Variants in MAST4 observed in about 807,000 individuals in gnomAD.
The protein encoded by MAST4 is microtubule associated serine/threonine kinase family member 4, also known as microtubule-associated serine/threonine-protein kinase 4.
Under a neutral mutation model 162.7 loss-of-function variants are expected in MAST4, and 89 were observed. The observed-to-expected ratio is 0.55, with a 90% CI of 0.46 to 0.65. MAST4 has a LOEUF of 0.65. Among genes scored for constraint, MAST4 ranks in the 30% least tolerant of loss-of-function variants. The pLI, the probability that MAST4 is intolerant of heterozygous loss-of-function variation, is 0.00. For synonymous variants in MAST4, 1,479 were observed against 1,361.1 expected (o/e 1.09, Z -1.91); for missense variants, 3,153 against 3,374.0 (o/e 0.93, Z 1.62).
chr5:66,899,853 G>A (rs116463838), intron 3 of MAST4, 98 bp from the exon 4 acceptor site: 23 of 944,380 alleles, frequency 2.4e-5, no homozygotes, highest in Admixed American at 7.0e-5. Flanking sequence ...CAAATCAAGC[G>A]TAATGAAGGA....
chr5:66,746,768 G>A (rs1752784514), intron 1 of MAST4, among the ~76,000 whole-genome samples: 1 of 152,126 alleles, frequency 6.6e-6, no homozygotes, highest in Non-Finnish European at 1.5e-5. Context: ...CCTAAATAAA[G>A]GTCAAGGAAA....
intron 4 of MAST4, among the ~76,000 whole-genome samples, chr5:67,035,672 C>T (rs1384397723): frequency 6.6e-6 from 1 of 152,144 alleles, no homozygotes; most frequent in Non-Finnish European, 1.5e-5. Flanking sequence ...GTAACTGGCA[C>T]TTACACAGTA....
intron 4 of MAST4, among the ~76,000 whole-genome samples, chr5:67,021,977 T>TC (rs960010374): frequency 6.6e-6 from 1 of 152,166 alleles, no homozygotes; most frequent in African/African-American, 2.4e-5. Context: ...ATTCTCTCTG[T>TC]CCCCTACTCC....
chr5:66,761,721 G>T (rs1031098355), intron 2 of MAST4, among the ~76,000 whole-genome samples: 1 of 152,074 alleles, frequency 6.6e-6, no homozygotes, highest in African/African-American at 2.4e-5. Flanking sequence ...CCAAGGGGGA[G>T]AAATTCATCA....
intron 1 of MAST4, among the ~76,000 whole-genome samples, chr5:66,631,233 A>G (rs1744773025): frequency 6.6e-6 from 1 of 152,162 alleles, no homozygotes; most frequent in Non-Finnish European, 1.5e-5. Context: ...GTTGCCATAA[A>G]TGGACTGAAC....
intron 1 of MAST4, among the ~76,000 whole-genome samples, chr5:66,651,793 AACTC>A (rs1746238606): frequency 6.6e-6 from 1 of 152,090 alleles, no homozygotes; most frequent in African/African-American, 2.4e-5. Flanking sequence ...CCTACTTCCT[AACTC>A]ACTCATGTAC....
intron 1 of MAST4, among the ~76,000 whole-genome samples, chr5:66,728,746 T>C (rs1447592132): frequency 2.0e-5 from 3 of 152,186 alleles, no homozygotes; most frequent in Non-Finnish European, 4.4e-5. Flanking sequence ...TTAAGTCAAA[T>C]GTGGAAGACA....
chr5:67,110,252 T>G lies in MAST4; in HGVS notation c.1458+53T>G, dbSNP rs528235774. The G allele has an allele frequency of 5.3e-6, 7 of 1,318,376 alleles. No individual in the cohort carries two copies. In the African/African-American group the frequency reaches 7.2e-5, roughly 14 times the overall value. 81.7% of individuals were successfully genotyped at this position (1,318,376 alleles called of 1,614,324 possible). ...TATTTATTGTTAACTGGGAAAGCAG[T>G]TACCATCAGAAAGCTCCTTCATTTG... On this transcript the variant is annotated intron_variant, in intron 11 of 28. Transcript: ENST00000403625.
chr5:67,099,743 A>G lies in MAST4; in HGVS notation c.913-692A>G, dbSNP rs536868550. 2.0e-5 allele frequency among the ~76,000 whole-genome samples: 3 copies of G among 152,114 alleles called. No homozygotes were observed. In the South Asian group the frequency reaches 6.2e-4, roughly 32 times the overall value. On this transcript the variant is annotated intron_variant, in intron 7 of 28. Transcript: ENST00000403625. Reference sequence around the variant, plus strand: ...ATCTTTCCTGTCTTTCCTTGTTCCAAATGTTGAATGACGATTTTCAAAAAG... The same window carrying G: ...ATCTTTCCTGTCTTTCCTTGTTCCAGATGTTGAATGACGATTTTCAAAAAG...
At chr5:66,810,963 T>A (rs1756447227) in intron 3 of MAST4, among the ~76,000 whole-genome samples, 1 of 152,186 alleles carries the variant, frequency 6.6e-6, no homozygotes. Flanking sequence ...AATGACCACA[T>A]CCTTTCCCTC....
At position 67,125,514 on chromosome 5, in the gene MAST4, G is replaced by C. The variant is rs551140760; in HGVS notation, c.1745+4412G>C. ...GAGAACATGTGGTATTTGGTTTTCT[G>C]TTCCTGTGTTAGTTTGCTGAGAATG... On this transcript the variant is annotated intron_variant, in intron 14 of 28. Coordinates refer to ENST00000403625, the MANE Select transcript of MAST4 (RefSeq NM_001164664.2). Among the ~76,000 whole-genome samples, 3 of 152,080 alleles carry C rather than the reference G, an allele frequency of 2.0e-5. No homozygotes were observed. In the South Asian group the frequency reaches 6.2e-4, roughly 32 times the overall value.
In MAST4 at chr5:66,759,869, C is replaced by T. The variant is rs368607736; in HGVS notation, c.517+7C>T. ...CTGGGAGGAGCCCTGACTGGTGAGTCGCAGCGGCTTGGATGAGAGAAGGAA... is the reference window on the plus strand; with the variant it reads ...CTGGGAGGAGCCCTGACTGGTGAGTTGCAGCGGCTTGGATGAGAGAAGGAA... On this transcript the variant is annotated splice_region_variant and intron_variant, in intron 2 of 28. Coordinates refer to ENST00000403625, the MANE Select transcript of MAST4 (RefSeq NM_001164664.2). 132 of 1,613,420 alleles carry T rather than the reference C, an allele frequency of 8.2e-5. No individual in the cohort carries two copies. The highest frequency in any genetic ancestry group is 3.1e-4 in the African/African-American group (23 of 74,890).
In MAST4 at chr5:67,166,074, G is replaced by C. The variant is rs1346638328; in HGVS notation, c.6895G>C (p.Glu2299Gln). 2 of 1,613,424 alleles carry C rather than the reference G, an allele frequency of 1.2e-6. No individual in the cohort carries two copies. The highest frequency in any genetic ancestry group is 3.3e-5 in the Admixed American group (2 of 59,946). Residue 2299 changes from glutamate (E) to glutamine (Q), a missense_variant, in exon 29 of 29, where the codon GAG (glutamate) becomes CAG (glutamine). Transcript: ENST00000403625. ...TSGGRPLEVL[E>Q]KPVHLPRPGH... ...TGGTGGGCGGCCCCTGGAGGTGCTG[G>C]AGAAGCCTGTGCATTTGCCAAGGCC...
chr5:66,740,388 T>G (rs1381000811), intron 1 of MAST4, among the ~76,000 whole-genome samples: 1 of 152,212 alleles, frequency 6.6e-6, no homozygotes, highest in Non-Finnish European at 1.5e-5. Context: ...TGGAGACTCC[T>G]CAAGCAATTC....
chr5:66,913,153 A>G (rs915250630), intron 4 of MAST4, among the ~76,000 whole-genome samples: 3 of 152,208 alleles, frequency 2.0e-5, no homozygotes, highest in South Asian at 4.1e-4. Flanking sequence ...TAAACTGTAC[A>G]TAATTTAAAG....
At chr5:66,765,770 G>A (rs1754066271) in intron 2 of MAST4, among the ~76,000 whole-genome samples, 1 of 151,960 alleles carries the variant, frequency 6.6e-6, no homozygotes, top group African/African-American at 2.4e-5. Flanking sequence ...AGACACTCAT[G>A]ATTGAAATGT....
intron 4 of MAST4, among the ~76,000 whole-genome samples, chr5:66,937,746 A>T (rs1479211858): frequency 6.6e-6 from 1 of 152,092 alleles, no homozygotes; most frequent in African/African-American, 2.4e-5. Context: ...TAAGGTGCAT[A>T]TTAAAAGTAT....
intron 4 of MAST4, among the ~76,000 whole-genome samples, chr5:67,006,561 G>T (rs140762188): frequency 1.3e-5 from 2 of 152,326 alleles, no homozygotes; most frequent in African/African-American, 4.8e-5. Context: ...TGTAGTCCTG[G>T]CTGCGGTACA....
intron 4 of MAST4, among the ~76,000 whole-genome samples, chr5:66,970,273 A>G (rs1747267417): frequency 6.6e-6 from 1 of 152,188 alleles, no homozygotes; most frequent in Admixed American, 6.5e-5. Flanking sequence ...GGTGCTCCAG[A>G]GGAGGACAGG....
Sources: gnomAD v4.1 joint callset for allele counts (sites outside exome capture counted in the v4.1 genomes callset) on GRCh38, gnomAD v4.1.1 for gene constraint, MANE v1.5 for transcripts, NCBI Gene and HGNC (gene_info 2026-07-23, HGNC 2026-07-21) for gene names.